Variants in KIF26B observed in about 807,000 individuals in gnomAD.
KIF26B encodes kinesin family member 26B.
A neutral mutation model predicts 151.2 loss-of-function variants in KIF26B; 63 were observed. The ratio of observed to expected loss-of-function variants is 0.42; its 90% confidence interval spans 0.34 to 0.51. The LOEUF (loss-of-function observed/expected upper bound fraction) is 0.51, where lower values mean the gene tolerates loss of function less well. Ranked by LOEUF, KIF26B falls within the 20% of genes least tolerant of loss-of-function variation. The pLI is 0.07. For synonymous variants in KIF26B, 1,357 were observed against 1,262.1 expected (o/e 1.08, Z -1.59); for missense variants, 2,813 against 2,913.6 (o/e 0.97, Z 0.79).
chr1:245,162,580 T>C (rs185292054), intron 2 of KIF26B, among the ~76,000 whole-genome samples: 2 of 152,222 alleles, frequency 1.3e-5, no homozygotes, highest in Non-Finnish European at 2.9e-5. Flanking sequence ...GAGATGGGGT[T>C]TCACCATATT....
chr1:245,162,372 T>C (rs2103518012), intron 2 of KIF26B, among the ~76,000 whole-genome samples: 1 of 129,264 alleles, frequency 7.7e-6, no homozygotes, highest in African/African-American at 2.8e-5. Context: ...CCATCAGAAA[T>C]ATCTTTTTTT....
intron 2 of KIF26B, among the ~76,000 whole-genome samples, chr1:245,265,234 A>G (rs886395970): frequency 2.0e-5 from 3 of 151,732 alleles, no homozygotes; most frequent in Middle Eastern, 3.4e-3. Context: ...GTTGAGAAAT[A>G]CGGAGAGACT....
At chr1:245,388,078 G>A (rs1047453276) in intron 3 of KIF26B, among the ~76,000 whole-genome samples, 3 of 152,158 alleles carry the variant, frequency 2.0e-5, no homozygotes, top group South Asian at 4.1e-4. Context: ...TCTGGGAGAC[G>A]AGCGCTGTCC....
chr1:245,523,506 T>C (rs1558199045), intron 4 of KIF26B, among the ~76,000 whole-genome samples: 1 of 152,174 alleles, frequency 6.6e-6, no homozygotes, highest in Non-Finnish European at 1.5e-5. Context: ...ACAACGGAAG[T>C]TTATTTTGTA....
chr1:245,158,168 G>A (rs9645345), intron 2 of KIF26B, among the ~76,000 whole-genome samples: 126,645 of 152,124 alleles, frequency 0.83, 53,304 homozygotes, highest in East Asian at 0.96. Flanking sequence ...GTCCTAATAC[G>A]TTACAGCCTA....
At chr1:245,600,654 A>G (rs1489499508) in intron 5 of KIF26B, among the ~76,000 whole-genome samples, 2 of 150,772 alleles carry the variant, frequency 1.3e-5, no homozygotes, top group African/African-American at 2.4e-5. Flanking sequence ...ATGATATCTT[A>G]TCATTTTCCA....
At chr1:245,272,233 T>G (rs1158067837) in intron 2 of KIF26B, among the ~76,000 whole-genome samples, 1 of 152,120 alleles carries the variant, frequency 6.6e-6, no homozygotes, top group Non-Finnish European at 1.5e-5. Context: ...ATTTGGACCT[T>G]TTCTCCTTTT....
intron 3 of KIF26B, among the ~76,000 whole-genome samples, chr1:245,401,974 G>A (rs1674013149): frequency 6.6e-6 from 1 of 152,082 alleles, no homozygotes; most frequent in Non-Finnish European, 1.5e-5. Context: ...ACTGCAAATA[G>A]CAGCAGTCAA....
chr1:245,560,504 T>C lies in KIF26B; in HGVS notation c.1350+19554T>C, dbSNP rs984328802. Among the ~76,000 whole-genome samples the C allele has an allele frequency of 1.3e-5, 2 of 152,066 alleles. No homozygotes were observed. The highest frequency in any genetic ancestry group is 1.3e-4 in the Admixed American group (2 of 15,262). On this transcript the variant is annotated intron_variant, in intron 5 of 14. Transcript: ENST00000407071. The surrounding 1 kb of genome is among the most constrained non-coding windows in gnomAD (Gnocchi z 4.3). ...ATTCAGAGATTACTGGGTGTTGATC[T>C]CCTTATGATACTCTCGGTTCCTAAT...
intron 2 of KIF26B, among the ~76,000 whole-genome samples, chr1:245,351,501 A>G (rs540290136): frequency 2.0e-5 from 3 of 152,356 alleles, no homozygotes; most frequent in Admixed American, 6.5e-5. Flanking sequence ...CGTGTTAAAC[A>G]TAGGGAAAAC....
At chr1:245,213,394 T>C (rs189199105) in intron 2 of KIF26B, among the ~76,000 whole-genome samples, 5 of 152,350 alleles carry the variant, frequency 3.3e-5, no homozygotes, top group Admixed American at 6.5e-5. Context: ...CCATTTCTCA[T>C]GCTCCTTCTG....
At chr1:245,672,102 C>T (rs1208470329) in intron 10 of KIF26B, among the ~76,000 whole-genome samples, 1 of 152,104 alleles carries the variant, frequency 6.6e-6, no homozygotes, top group East Asian at 1.9e-4. Flanking sequence ...CAGTCTGAGC[C>T]CATCGGGCGA....
chr1:245,465,192 A>C (rs1659757323), intron 4 of KIF26B, among the ~76,000 whole-genome samples: 1 of 152,008 alleles, frequency 6.6e-6, no homozygotes, highest in Non-Finnish European at 1.5e-5. Context: ...GTTGGCCAGG[A>C]TGGTCTCCAT....
intron 4 of KIF26B, among the ~76,000 whole-genome samples, chr1:245,464,543 G>A (rs922948557): frequency 2.0e-5 from 3 of 150,256 alleles, no homozygotes; most frequent in Non-Finnish European, 4.4e-5. Context: ...GTGTGGGTGT[G>A]CGTGGGTGTG....
chr1:245,264,975 A>G (rs545889591), intron 2 of KIF26B, among the ~76,000 whole-genome samples: 548 of 151,360 alleles, frequency 3.6e-3, no homozygotes, highest in African/African-American at 9.5e-3. Flanking sequence ...CGAGGCGGGC[A>G]GATCACAAGG....
intron 12 of KIF26B, among the ~76,000 whole-genome samples, chr1:245,697,529 C>T (rs921427819): frequency 3.3e-5 from 5 of 152,078 alleles, no homozygotes; most frequent in Non-Finnish European, 7.4e-5. Context: ...GCTGAGGATG[C>T]CCCCTAGGCT....
rs986796592 is a variant in KIF26B, at chr1:245,516,591, G to A, written c.1167-24176G>A. ...ATTTTTCACTTTCCTTTGACCCTGG[G>A]TGTCTCCACAAATGAACCACCTGCT... On this transcript the variant is annotated intron_variant, in intron 4 of 14. Transcript: ENST00000407071. The surrounding 1 kb of genome is among the most constrained non-coding windows in gnomAD (Gnocchi z 4.2). Among the ~76,000 whole-genome samples, 1 of 151,938 alleles carries A rather than the reference G, an allele frequency of 6.6e-6. No individual in the cohort carries two copies. Among genetic ancestry groups the A allele is most frequent in the Non-Finnish European group, 1.5e-5 (1 of 68,004 alleles).
intron 4 of KIF26B, among the ~76,000 whole-genome samples, chr1:245,426,630 C>T (rs909428814): frequency 6.6e-6 from 1 of 152,160 alleles, no homozygotes; most frequent in African/African-American, 2.4e-5. Context: ...GACCAGTATC[C>T]CCTTGGGTCC....
At chr1:245,418,095 T>A (rs1406644704) in intron 3 of KIF26B, among the ~76,000 whole-genome samples, 4 of 152,180 alleles carry the variant, frequency 2.6e-5, no homozygotes, top group Non-Finnish European at 5.9e-5. Flanking sequence ...GGGATGACGG[T>A]GTGCATCGCC....
Sources: gnomAD v4.1 joint callset for allele counts (sites outside exome capture counted in the v4.1 genomes callset) on GRCh38, gnomAD v4.1.1 for gene constraint, Gnocchi (gnomAD v3.1) non-coding constraint, MANE v1.5 for transcripts, NCBI Gene and HGNC (gene_info 2026-07-23, HGNC 2026-07-21) for gene names.